Variants in TBC1D8 observed in about 807,000 individuals in gnomAD.
TBC1D8 encodes TBC1 domain family member 8, also known as BUB2-like protein 1.
TBC1D8 carries 65 observed loss-of-function variants against 118.8 expected under a neutral mutation model. That is an observed-to-expected ratio of 0.55 (90% confidence interval 0.45 to 0.67). TBC1D8 has a LOEUF of 0.67. Among genes scored for constraint, TBC1D8 ranks in the 30% least tolerant of loss-of-function variants. The pLI is 0.00. For missense variants in TBC1D8, 1,376 were observed against 1,471.2 expected (o/e 0.94, Z 1.06); for synonymous variants, 566 against 595.8 (o/e 0.95, Z 0.73).
At chr2:101,132,611 T>C (rs1039512229) in intron 1 of TBC1D8, among the ~76,000 whole-genome samples, 16 of 152,282 alleles carry the variant, frequency 1.1e-4, no homozygotes, top group South Asian at 2.1e-4. Flanking sequence ...TTGTTTGAGA[T>C]AGGATCTCAC....
At chr2:101,098,203 A>G (rs1448990150) in intron 1 of TBC1D8, among the ~76,000 whole-genome samples, 1 of 152,100 alleles carries the variant, frequency 6.6e-6, no homozygotes, top group Non-Finnish European at 1.5e-5. Context: ...GACCAGCTTG[A>G]CCAACATGGT....
At chr2:101,107,673 G>A (rs1677310305) in intron 1 of TBC1D8, among the ~76,000 whole-genome samples, 1 of 152,170 alleles carries the variant, frequency 6.6e-6, no homozygotes, top group Admixed American at 6.5e-5. Context: ...ATGCTCCAAT[G>A]AAAGGAACCA....
intron 8 of TBC1D8, among the ~76,000 whole-genome samples, chr2:101,037,098 C>T (rs927914947): frequency 6.6e-6 from 1 of 152,108 alleles, no homozygotes; most frequent in Non-Finnish European, 1.5e-5. Flanking sequence ...GTTCTCCCTA[C>T]AAAGAGGAAA....
intron 1 of TBC1D8, among the ~76,000 whole-genome samples, chr2:101,100,038 A>C (rs1015506413): frequency 2.3e-4 from 35 of 152,194 alleles, no homozygotes; most frequent in African/African-American, 8.4e-4. Flanking sequence ...AAAGAAATAA[A>C]GGGTATTCAA....
intron 5 of TBC1D8, among the ~76,000 whole-genome samples, chr2:101,049,859 T>C (rs1169743972): frequency 3.3e-5 from 5 of 151,864 alleles, no homozygotes; most frequent in Admixed American, 6.6e-5. Flanking sequence ...CGGAGTCTTG[T>C]TCTGTCGCCC....
intron 19 of TBC1D8, 78 bp from the exon 20 acceptor site, chr2:101,008,351 C>T (rs1364454196): frequency 8.5e-7 from 1 of 1,175,638 alleles, no homozygotes; most frequent in Non-Finnish European, 1.2e-6. Context: ...TACCTGTGAG[C>T]TTTGAGAAAA....
intron 1 of TBC1D8, among the ~76,000 whole-genome samples, chr2:101,133,115 G>A (rs1183353447): frequency 6.8e-6 from 1 of 146,810 alleles, no homozygotes; most frequent in African/African-American, 2.5e-5. Context: ...AGCTGAGATC[G>A]AGCCACTGCA....
In TBC1D8 at chr2:101,085,087, G is replaced by A. The variant is rs575775615; in HGVS notation, c.283+5122C>T. Among the ~76,000 whole-genome samples, 279 of 151,974 alleles carry A rather than the reference G, an allele frequency of 1.8e-3. 3 individuals carry two copies. Among genetic ancestry groups the A allele is most frequent in the Middle Eastern group, 3.4e-3 (1 of 292 alleles). ...AGGATGGTCGCGATCTCCTGACCTC[G>A]TGATCTGCCCACCTCAGCCTCCCAA... On this transcript the variant is annotated intron_variant, in intron 2 of 19. Transcript: ENST00000409318.
intron 12 of TBC1D8, 136 bp from the exon 13 acceptor site, chr2:101,028,568 C>A (rs551370171): frequency 1.5e-6 from 2 of 1,311,544 alleles, no homozygotes; most frequent in East Asian, 2.4e-5. Context: ...TGCAGCTGCT[C>A]GGCTTATTTT....
Position 101,011,445 on chromosome 2 carries a change from A to T in TBC1D8, c.2917+6T>A. On this transcript the variant is annotated splice_donor_region_variant and intron_variant, in intron 18 of 19. Coordinates refer to ENST00000409318, the MANE Select transcript of TBC1D8 (RefSeq NM_001330348.2). ...GGGGAAAGCAACAATGAAAAGAGGTACGTGCCATTGGGTTTCCCGAAAACC... is the reference window on the plus strand; with the variant it reads ...GGGGAAAGCAACAATGAAAAGAGGTTCGTGCCATTGGGTTTCCCGAAAACC... 1 of 1,613,858 alleles carries T rather than the reference A, an allele frequency of 6.2e-7. No individual in the cohort carries two copies. Among genetic ancestry groups the T allele is most frequent in the Non-Finnish European group, 8.5e-7 (1 of 1,179,746 alleles).
At chr2:101,074,559 G>A (rs1010314914) in intron 2 of TBC1D8, among the ~76,000 whole-genome samples, 1 of 152,166 alleles carries the variant, frequency 6.6e-6, no homozygotes, top group Admixed American at 6.5e-5. Context: ...AATAGAAGGA[G>A]GTACACCTGT....
intron 1 of TBC1D8, among the ~76,000 whole-genome samples, chr2:101,139,713 T>C (rs1162983155): frequency 2.0e-5 from 3 of 152,144 alleles, no homozygotes; most frequent in Non-Finnish European, 4.4e-5. Flanking sequence ...TTTCCTCTGC[T>C]CAGACGGCTC....
At chr2:101,088,886 C>T (rs186319977) in intron 2 of TBC1D8, among the ~76,000 whole-genome samples, 20 of 152,008 alleles carry the variant, frequency 1.3e-4, no homozygotes, top group Non-Finnish European at 2.2e-4. Flanking sequence ...TTCTTTCTAC[C>T]GAGCATGCAT....
chr2:101,055,169 C>T (rs1443683778), intron 3 of TBC1D8, among the ~76,000 whole-genome samples: 1 of 151,742 alleles, frequency 6.6e-6, no homozygotes, highest in Admixed American at 6.6e-5. Context: ...GTGGGCAGAT[C>T]ACTTTAGGCC....
Position 101,040,332 on chromosome 2 carries a change from G to A in TBC1D8, c.926C>T (p.Pro309Leu), listed in dbSNP as rs760045006. 1.2e-5 allele frequency: 20 copies of A among 1,613,254 alleles called. No individual in the cohort carries two copies. The highest frequency in any genetic ancestry group is 1.6e-4 in the Middle Eastern group (1 of 6,084). ...AACCGCGTGCAGCTTCTCCTTCCTC[G>A]GCAACCTGAAGAAAGCCCGGAAGAA... Reference protein sequence around the residue: ...NEFFRAFFRLPRKEKLHAVVD... With the variant: ...NEFFRAFFRLLRKEKLHAVVD... The change falls in exon 6 of 20, where the codon CCG (proline) becomes CTG (leucine). Residue 309 changes from proline (P) to leucine (L), a missense_variant. Coordinates refer to ENST00000409318, the MANE Select transcript of TBC1D8 (RefSeq NM_001330348.2).
intron 1 of TBC1D8, among the ~76,000 whole-genome samples, chr2:101,099,067 T>C (rs1349241944): frequency 3.4e-5 from 5 of 145,876 alleles, no homozygotes; most frequent in African/African-American, 1.3e-4. Context: ...AAAAAAAAAA[T>C]CTATGAATCC....
At position 101,040,158 on chromosome 2, in the gene TBC1D8, A is replaced by G. The variant is rs756653196; in HGVS notation, c.1080+20T>C. ...ACAACAAAAGGCTGCTTCGGGAAGC[A>G]GACAGTAGGGCCAGTCTACCTCTCT... On this transcript the variant is annotated intron_variant, in intron 6 of 19. Transcript: ENST00000409318. 3 of 1,609,124 alleles carry G rather than the reference A, an allele frequency of 1.9e-6. No individual in the cohort carries two copies. In the Admixed American group the frequency reaches 5.0e-5, roughly 27 times the overall value.
At position 101,037,700 on chromosome 2, in the gene TBC1D8, G is replaced by A. The variant is rs745592536; in HGVS notation, c.1284C>T (p.Leu428=). 2.0e-5 allele frequency: 32 copies of A among 1,612,988 alleles called. No homozygotes were observed. The East Asian group carries it at 2.9e-4, about 15-fold the overall frequency. ...DTSADDDMAS[L]VFHSTSMCSD... ...TGCACATGCTTGTTGAATGAAACACGAGTGAAGCCTGCACAGCAAGAGAGA... is the reference window on the plus strand; with the variant it reads ...TGCACATGCTTGTTGAATGAAACACAAGTGAAGCCTGCACAGCAAGAGAGA... Residue 428 remains leucine, a synonymous_variant, in exon 8 of 20, where the codon CTC becomes CTT. Coordinates refer to ENST00000409318, the MANE Select transcript of TBC1D8 (RefSeq NM_001330348.2).
At chr2:101,019,024 G>C in intron 17 of TBC1D8, 1 of 1,612,034 alleles carries the variant, frequency 6.2e-7, no homozygotes, top group Middle Eastern at 1.6e-4. Context: ...TGTTACAGTC[G>C]CCAAGAGCCC....
Sources: allele counts gnomAD v4.1 joint callset (sites outside exome capture counted in the v4.1 genomes callset), GRCh38; gene constraint gnomAD v4.1.1; transcripts MANE v1.5; gene names NCBI Gene and HGNC (gene_info 2026-07-23, HGNC 2026-07-21).